The following DNMT1 variants were observed in gnomAD, a reference collection of about 807,000 sequenced individuals.
The protein encoded by DNMT1 is DNA (cytosine-5)-methyltransferase 1.
Under a neutral mutation model 205.3 loss-of-function variants are expected in DNMT1, and 24 were observed. The ratio of observed to expected loss-of-function variants is 0.12; its 90% CI spans 0.08 to 0.16. The LOEUF (loss-of-function observed/expected upper bound fraction) is 0.16, where lower values mean the gene tolerates loss of function less well. DNMT1 is among the 10% of genes least tolerant of loss of function. The pLI, the probability that DNMT1 is intolerant of heterozygous loss-of-function variation, is 1.00. For missense variants in DNMT1, 1,293 were observed against 2,177.7 expected (o/e 0.59, Z 8.09); for synonymous variants, 817 against 839.8 (o/e 0.97, Z 0.47).
At chr19:10,194,660 G>A in intron 1 of DNMT1, 160 bp downstream of exon 1, 5 of 1,005,908 alleles carry the variant, frequency 5.0e-6, no homozygotes, top group Non-Finnish European at 6.9e-6. Context: ...GCGACCGGAA[G>A]TGCCACCCTG....
chr19:10,166,719 C>T (rs774985940), intron 10 of DNMT1, 34 bp from the exon 11 acceptor site: 6 of 1,613,042 alleles, frequency 3.7e-6, no homozygotes, highest in Non-Finnish European at 5.1e-6. Context: ...ACAGGCTGGT[C>T]AGCTCGGGGG....
At chr19:10,185,198 G>C (rs2039154568) in intron 1 of DNMT1, among the ~76,000 whole-genome samples, 3 of 152,136 alleles carry the variant, frequency 2.0e-5, no homozygotes, top group African/African-American at 7.2e-5. Context: ...GGCTGAGGTG[G>C]GCGGATCATG....
chr19:10,143,384 CTTTT>C (rs542026334), intron 29 of DNMT1, among the ~76,000 whole-genome samples: 1 of 119,516 alleles, frequency 8.4e-6, no homozygotes. Context: ...CCCAGCTAGT[CTTTT>C]TTTTTTTTTT....
chr19:10,155,099 A>G, intron 19 of DNMT1, 43 bp from the exon 20 acceptor site: 1 of 1,612,548 alleles, frequency 6.2e-7, no homozygotes, highest in South Asian at 1.1e-5. Flanking sequence ...CTGGAATCTG[A>G]TGGCGCCTAC....
At chr19:10,186,795 G>A (rs1037972766) in intron 1 of DNMT1, among the ~76,000 whole-genome samples, 19 of 137,178 alleles carry the variant, frequency 1.4e-4, no homozygotes, top group African/African-American at 4.2e-4. Context: ...CCAAGGTCAC[G>A]TCATTGCACT....
At chr19:10,155,256 C>G (rs2038432487) in intron 19 of DNMT1, among the ~76,000 whole-genome samples, 200 bp from the exon 20 acceptor site, 1 of 152,136 alleles carries the variant, frequency 6.6e-6, no homozygotes, top group Non-Finnish European at 1.5e-5. Context: ...AGAGCGAAGA[C>G]TAGCTGAGTA....
intron 1 of DNMT1, among the ~76,000 whole-genome samples, chr19:10,191,323 T>C (rs1250494418): frequency 3.4e-5 from 5 of 147,906 alleles, no homozygotes; most frequent in African/African-American, 1.3e-4. Context: ...TACTGTTGGA[T>C]ACCATGTTTA....
At chr19:10,144,310 A>G in intron 28 of DNMT1, 2 of 359,290 alleles carry the variant, frequency 5.6e-6, no homozygotes, top group South Asian at 4.4e-5. Context: ...TGGGAGGCTG[A>G]GGCAGGAGAA....
intron 28 of DNMT1, chr19:10,144,764 G>C (rs1410991708): frequency 1.3e-5 from 2 of 152,264 alleles, no homozygotes; most frequent in East Asian, 3.9e-4. Flanking sequence ...TTTGTTGAGA[G>C]AGTTTCACTC....
chr19:10,186,041 A>ACGC (rs1348153128), intron 1 of DNMT1, among the ~76,000 whole-genome samples: 1 of 152,036 alleles, frequency 6.6e-6, no homozygotes, highest in Non-Finnish European at 1.5e-5. Flanking sequence ...CTTCTCAGTC[A>ACGC]CGCCGCTGAG....
chr19:10,148,141 A>T (rs1367771559), intron 27 of DNMT1, among the ~76,000 whole-genome samples: 3 of 144,670 alleles, frequency 2.1e-5, no homozygotes, highest in Non-Finnish European at 4.6e-5. Context: ...AAAAAAAATT[A>T]AAAAAATAAT....
Position 10,159,848 on chromosome 19 carries a change from T to C in DNMT1, c.1164A>G (p.Pro388=). 1 of 1,614,198 alleles carries C rather than the reference T, an allele frequency of 6.2e-7. No individual in the cohort carries two copies. The highest frequency in any genetic ancestry group is 8.5e-7 in the Non-Finnish European group (1 of 1,180,030). Residue 388 remains proline (P), a synonymous_variant, in exon 16 of 41, where the codon CCA becomes CCG. Transcript: ENST00000359526. This position sits in a 1 kb window ranked among gnomAD's most constrained non-coding sequence, Gnocchi z 5.0. ...GGAAGAGAGCTGTACGTACCGCGTCTGGTGGGTGCTGCCCATATTTGAGGT... is the reference window on the plus strand; with the variant it reads ...GGAAGAGAGCTGTACGTACCGCGTCCGGTGGGTGCTGCCCATATTTGAGGT... ...DPDLKYGQHP[P]DAVDEPQMLT... is the part of the protein sequence containing the mutation.
At chr19:10,188,791 T>C (rs1471389409) in intron 1 of DNMT1, among the ~76,000 whole-genome samples, 1 of 152,096 alleles carries the variant, frequency 6.6e-6, no homozygotes, top group Non-Finnish European at 1.5e-5. Flanking sequence ...CCGCAAATGC[T>C]GACTTTAAAG....
chr19:10,182,512 T>C (rs1003563669), intron 1 of DNMT1, among the ~76,000 whole-genome samples: 6 of 137,260 alleles, frequency 4.4e-5, no homozygotes, highest in Admixed American at 1.5e-4. Flanking sequence ...TGTATATATA[T>C]ACATATATAT....
At chr19:10,142,386 A>C (rs1240506667) in intron 29 of DNMT1, among the ~76,000 whole-genome samples, 166 bp from the exon 30 acceptor site, 1 of 150,476 alleles carries the variant, frequency 6.6e-6, no homozygotes, top group African/African-American at 2.5e-5. Flanking sequence ...CAGGGTAAAG[A>C]TATCTCCTCC....
chr19:10,148,218 C>A (rs1304090530), intron 27 of DNMT1, among the ~76,000 whole-genome samples: 1 of 149,920 alleles, frequency 6.7e-6, no homozygotes, highest in African/African-American at 2.4e-5. Flanking sequence ...GAATCGAGGA[C>A]AGGTGTGGTG....
chr19:10,155,786 C>G, intron 19 of DNMT1, 67 bp downstream of exon 19: 1 of 1,520,120 alleles, frequency 6.6e-7, no homozygotes, highest in Admixed American at 1.9e-5. Context: ...CCCCGTCAGC[C>G]CCCAGGAAGG....
intron 27 of DNMT1, among the ~76,000 whole-genome samples, chr19:10,148,231 T>A (rs1040179005): frequency 4.0e-5 from 6 of 150,772 alleles, no homozygotes; most frequent in Middle Eastern, 3.2e-3. Context: ...GTGTGGTGGC[T>A]CACGCCTGTA....
At chr19:10,167,665 G>A (rs543581332) in intron 10 of DNMT1, among the ~76,000 whole-genome samples, 1 of 152,342 alleles carries the variant, frequency 6.6e-6, no homozygotes, top group Non-Finnish European at 1.5e-5. Context: ...CCACCAAGCT[G>A]TAGACAAGTG....
Sources: gnomAD v4.1 joint callset for allele counts (sites outside exome capture counted in the v4.1 genomes callset) on GRCh38, gnomAD v4.1.1 for gene constraint, Gnocchi (gnomAD v3.1) non-coding constraint, MANE v1.5 for transcripts, NCBI Gene and HGNC (gene_info 2026-07-23, HGNC 2026-07-21) for gene names.